ACSBG1: variants seen among roughly 807,000 people sequenced by gnomAD.
The protein encoded by ACSBG1 is long-chain-fatty-acid--CoA ligase ACSBG1.
Under a neutral mutation model 80.2 loss-of-function variants are expected in ACSBG1, and 39 were observed. The observed-to-expected ratio is 0.49, with a 90% CI of 0.38 to 0.64. The LOEUF is 0.64. ACSBG1 is among the 30% of genes least tolerant of loss of function. ACSBG1 has a pLI of 0.00. For synonymous variants in ACSBG1, 392 were observed against 379.5 expected (o/e 1.03, Z -0.38); for missense variants, 828 against 966.4 (o/e 0.86, Z 1.90).
At chr15:78,221,380 C>T (rs750621781) in intron 1 of ACSBG1, among the ~76,000 whole-genome samples, 10 of 152,136 alleles carry the variant, frequency 6.6e-5, no homozygotes, top group Non-Finnish European at 1.3e-4. Context: ...CAGACGTGCA[C>T]GTAGGCTAGA....
At chr15:78,193,069 C>T (rs1226251507) in intron 5 of ACSBG1, among the ~76,000 whole-genome samples, 1 of 152,176 alleles carries the variant, frequency 6.6e-6, no homozygotes, top group African/African-American at 2.4e-5. Flanking sequence ...GCTCAACCCC[C>T]ACCCTGTGGC....
chr15:78,193,359 G>A, intron 5 of ACSBG1, 147 bp downstream of exon 5: 2 of 1,192,404 alleles, frequency 1.7e-6, no homozygotes, highest in Middle Eastern at 2.2e-4. Context: ...CCGTTGCCCT[G>A]CCTTGCTTGC....
intron 2 of ACSBG1, among the ~76,000 whole-genome samples, chr15:78,200,159 G>A (rs993447283): frequency 2.0e-5 from 3 of 152,184 alleles, no homozygotes; most frequent in Non-Finnish European, 4.4e-5. Flanking sequence ...CATGGAGCCT[G>A]TGCTTTTGTG....
intron 2 of ACSBG1, among the ~76,000 whole-genome samples, chr15:78,199,279 T>C (rs1179726037): frequency 6.6e-6 from 1 of 151,782 alleles, no homozygotes; most frequent in Non-Finnish European, 1.5e-5. Context: ...GACGTGGGGG[T>C]TAGCCATGTT....
intron 1 of ACSBG1, among the ~76,000 whole-genome samples, chr15:78,229,261 T>C (rs1470778613): frequency 1.3e-5 from 2 of 152,218 alleles, no homozygotes; most frequent in Non-Finnish European, 2.9e-5. Flanking sequence ...TTTGAATAAA[T>C]GAATGCATTC....
chr15:78,168,905 CT>C lies in ACSBG1; in HGVS notation c.*2538del. The C allele has an allele frequency of 1.3e-6, 2 of 1,555,144 alleles. No homozygotes were observed. The highest frequency in any genetic ancestry group is 1.7e-4 in the Middle Eastern group (1 of 5,916). ...TTTGCGGATACATCTTTTATTTTTG[CT>C]TTTTCCTTTTCTCAGAGCTTGACAA... On this transcript the variant is annotated 3_prime_UTR_variant, in exon 14 of 14. Transcript: ENST00000258873.
chr15:78,206,796 G>A (rs1040481739), intron 2 of ACSBG1, among the ~76,000 whole-genome samples: 6 of 152,212 alleles, frequency 3.9e-5, no homozygotes, highest in Non-Finnish European at 8.8e-5. Context: ...ATTGAGGCCC[G>A]CAGGGCTGGG....
intron 1 of ACSBG1, among the ~76,000 whole-genome samples, chr15:78,211,430 C>T (rs2075266490): frequency 6.6e-6 from 1 of 152,250 alleles, no homozygotes; most frequent in African/African-American, 2.4e-5. Context: ...TGGCTTCTGT[C>T]TGCATTTTGA....
intron 5 of ACSBG1, 108 bp downstream of exon 5, chr15:78,193,398 G>C (rs895419541): frequency 2.7e-6 from 4 of 1,477,336 alleles, no homozygotes; most frequent in Non-Finnish European, 3.6e-6. Flanking sequence ...TTGCCGTTGA[G>C]GATGAGGACA....
At chr15:78,191,173 T>C (rs2075053783) in intron 5 of ACSBG1, among the ~76,000 whole-genome samples, 1 of 152,230 alleles carries the variant, frequency 6.6e-6, no homozygotes, top group South Asian at 2.1e-4. Flanking sequence ...AGGAGGAACA[T>C]TTCTTAATGA....
At chr15:78,186,191 A>G (rs2075001964) in intron 5 of ACSBG1, among the ~76,000 whole-genome samples, 1 of 152,084 alleles carries the variant, frequency 6.6e-6, no homozygotes. Context: ...AGTCTGTTTT[A>G]TCAGAGACTA....
Position 78,172,692 on chromosome 15 carries a change from A to G in ACSBG1, c.2089+901T>C, listed in dbSNP as rs2074837920. On this transcript the variant is annotated intron_variant, in intron 13 of 13. Coordinates refer to ENST00000258873, the MANE Select transcript of ACSBG1 (RefSeq NM_015162.5). The surrounding 1 kb of genome is among the most constrained non-coding windows in gnomAD (Gnocchi z 4.1). ...TTGCAGCTCAGCTTTGCTGTAGACA[A>G]TTGCATCTGGGTTCAGCCGTGATGG... Among the ~76,000 whole-genome samples the G allele has an allele frequency of 6.6e-6, 1 of 152,208 alleles. No individual in the cohort carries two copies. Among genetic ancestry groups the G allele is most frequent in the African/African-American group, 2.4e-5 (1 of 41,452 alleles).
Position 78,169,051 on chromosome 15 carries a change from A to G in ACSBG1, c.*2393T>C. On this transcript the variant is annotated 3_prime_UTR_variant, in exon 14 of 14. Transcript: ENST00000258873. Reference sequence around the variant, plus strand: ...ACATCAGTCACTCTAAATGGACACCACATGAACCTCTGTTTAGAATACCTA... The same window carrying G: ...ACATCAGTCACTCTAAATGGACACCGCATGAACCTCTGTTTAGAATACCTA... 5.0e-6 allele frequency: 6 copies of G among 1,189,078 alleles called. 1 individual carries two copies. The highest frequency in any genetic ancestry group is 7.5e-6 in the Non-Finnish European group (6 of 802,992). The allele number at this position is 1,189,078 out of a possible 1,614,324, so 73.7% of individuals were successfully genotyped here.
chr15:78,205,179 G>C (rs563693783), intron 2 of ACSBG1, among the ~76,000 whole-genome samples: 1 of 151,938 alleles, frequency 6.6e-6, no homozygotes, highest in East Asian at 1.9e-4. Context: ...TGTCTCCAGG[G>C]CCCAGTACAA....
intron 5 of ACSBG1, among the ~76,000 whole-genome samples, chr15:78,187,424 A>G (rs924519723): frequency 2.0e-5 from 3 of 152,220 alleles, no homozygotes; most frequent in African/African-American, 4.8e-5. Context: ...AAAAATCCTC[A>G]ATAAAATACT....
chr15:78,185,065 G>A (rs1034245321), intron 5 of ACSBG1, among the ~76,000 whole-genome samples: 1 of 150,452 alleles, frequency 6.6e-6, no homozygotes, highest in South Asian at 2.1e-4. Flanking sequence ...GAGAGAGAGA[G>A]AGAGAGAGAG....
chr15:78,220,929 T>C (rs2075354993), intron 1 of ACSBG1, among the ~76,000 whole-genome samples: 1 of 152,250 alleles, frequency 6.6e-6, no homozygotes, highest in Admixed American at 6.5e-5. Flanking sequence ...AGTTACCATA[T>C]GATCCAGCAA....
In ACSBG1 at chr15:78,208,054, A is replaced by G; in HGVS notation, c.180T>C (p.Ala60=). The change falls in exon 2 of 14, where the codon GCT becomes GCC. Residue 60 remains alanine, a synonymous_variant. Coordinates refer to ENST00000258873, the MANE Select transcript of ACSBG1 (RefSeq NM_015162.5). Reference sequence around the variant, plus strand: ...CCTTCTCTGGCACTGAGAGCTCGAGAGCATGGTTCAGGGACTCTTTGGAGA... The same window carrying G: ...CCTTCTCTGGCACTGAGAGCTCGAGGGCATGGTTCAGGGACTCTTTGGAGA... ...QPLSKESLNH[A]LELSVPEKVN... 1.2e-6 allele frequency: 2 copies of G among 1,613,826 alleles called. No homozygotes were observed. Among genetic ancestry groups the G allele is most frequent in the South Asian group, 2.2e-5 (2 of 91,048 alleles).
intron 2 of ACSBG1, among the ~76,000 whole-genome samples, chr15:78,206,740 G>A (rs1473694059): frequency 6.6e-6 from 1 of 152,204 alleles, no homozygotes; most frequent in African/African-American, 2.4e-5. Flanking sequence ...CATGCTGCGT[G>A]TCTACTGCTG....
Sources: allele counts gnomAD v4.1 joint callset (sites outside exome capture counted in the v4.1 genomes callset), GRCh38; gene constraint gnomAD v4.1.1; non-coding constraint Gnocchi (gnomAD v3.1); transcripts MANE v1.5; gene names NCBI Gene and HGNC (gene_info 2026-07-23, HGNC 2026-07-21).